The following CDK19 variants were observed in gnomAD, a reference collection of about 807,000 sequenced individuals.
The protein encoded by CDK19 is cyclin dependent kinase 19.
CDK19 carries 20 observed loss-of-function variants against 68.3 expected under a neutral mutation model. The ratio of observed to expected loss-of-function variants is 0.29; its 90% CI spans 0.21 to 0.43. The LOEUF (loss-of-function observed/expected upper bound fraction) is 0.43, where lower values mean the gene tolerates loss of function less well. Among genes scored for constraint, CDK19 ranks in the 20% least tolerant of loss-of-function variants. The pLI is 1.00. For missense variants in CDK19, 339 were observed against 623.5 expected, an observed-to-expected ratio of 0.54 and a Z score of 4.86; for synonymous variants, 221 against 222.8, an observed-to-expected ratio of 0.99 and a Z score of 0.07.
intron 2 of CDK19, among the ~76,000 whole-genome samples, chr6:110,721,923 C>T (rs1477608491): frequency 6.6e-6 from 1 of 152,076 alleles, no homozygotes; most frequent in East Asian, 1.9e-4. Context: ...GAGATCACGC[C>T]ATTGCGCTCC....
chr6:110,727,141 A>G (rs1776370935), intron 2 of CDK19, among the ~76,000 whole-genome samples: 1 of 152,210 alleles, frequency 6.6e-6, no homozygotes, highest in African/African-American at 2.4e-5. Flanking sequence ...CATGAGATAT[A>G]TGAAAACACA....
chr6:110,735,868 C>T lies in CDK19; in HGVS notation c.204+10258G>A, dbSNP rs150283012. On this transcript the variant is annotated intron_variant, in intron 2 of 12. Coordinates refer to ENST00000368911, the MANE Select transcript of CDK19 (RefSeq NM_015076.5). ...ACATCCTTGGAAAGAAGTGCTTCGC[C>T]AAAACATTTCATGAGATTCAGTTGA... is the stretch of plus-strand genomic sequence containing the variant. 5.1e-3 allele frequency among the ~76,000 whole-genome samples: 783 copies of T among 152,244 alleles called. 2 individuals are homozygous for T. The highest frequency in any genetic ancestry group is 0.018 in the African/African-American group (746 of 41,542).
intron 1 of CDK19, among the ~76,000 whole-genome samples, chr6:110,791,462 G>A (rs765919385): frequency 6.6e-6 from 1 of 151,906 alleles, no homozygotes; most frequent in Non-Finnish European, 1.5e-5. Flanking sequence ...GGAAAAGAAG[G>A]TTTAGTAAAA....
rs1383704718 is a variant in CDK19 at position 110,723,162 on chromosome 6, A to C, written c.204+22964T>G. On this transcript the variant is annotated intron_variant, in intron 2 of 12. Coordinates refer to ENST00000368911, the MANE Select transcript of CDK19 (RefSeq NM_015076.5). ...AAAAAAACAAAAAACAAAAAAAAAA[A>C]CGCAGATTTGTCCTTGTTCACTTTA... Among the ~76,000 whole-genome samples, 4 of 150,778 alleles carry C rather than the reference A, an allele frequency of 2.7e-5. 1 individual carries two copies. The highest frequency in any genetic ancestry group is 4.2e-4 in the South Asian group (2 of 4,766).
chr6:110,692,933 G>A (rs1043656891), intron 2 of CDK19, among the ~76,000 whole-genome samples: 6 of 152,132 alleles, frequency 3.9e-5, no homozygotes, highest in African/African-American at 1.4e-4. Context: ...GGAGAAGGAC[G>A]TTGCAATGAG....
intron 1 of CDK19, chr6:110,814,186 G>A (rs1328719717): frequency 4.6e-6 from 1 of 216,768 alleles, no homozygotes; most frequent in Admixed American, 5.5e-5. Context: ...GATAATATAG[G>A]TACTCCATAA....
chr6:110,810,357 T>C (rs76549671), intron 1 of CDK19, among the ~76,000 whole-genome samples: 3,526 of 152,244 alleles, frequency 0.023, 124 homozygotes, highest in African/African-American at 0.082. Flanking sequence ...ATTGATTTTA[T>C]AGGAAAATGA....
intron 2 of CDK19, among the ~76,000 whole-genome samples, chr6:110,737,744 T>C (rs1777348858): frequency 6.6e-6 from 1 of 152,202 alleles, no homozygotes; most frequent in South Asian, 2.1e-4. Flanking sequence ...GTATAGGAGT[T>C]GGCAGAAAGT....
chr6:110,763,690 C>T (rs1050420579), intron 1 of CDK19, among the ~76,000 whole-genome samples: 2 of 151,880 alleles, frequency 1.3e-5, no homozygotes, highest in African/African-American at 4.8e-5. Context: ...GCTGGGATTA[C>T]TGGCATGAGC....
chr6:110,760,738 A>C (rs1329525498), intron 1 of CDK19, among the ~76,000 whole-genome samples: 1 of 152,200 alleles, frequency 6.6e-6, no homozygotes, highest in East Asian at 1.9e-4. Flanking sequence ...AAAGCATACA[A>C]AACTCTTACA....
At chr6:110,785,967 C>A (rs1781191063) in intron 1 of CDK19, among the ~76,000 whole-genome samples, 1 of 148,582 alleles carries the variant, frequency 6.7e-6, no homozygotes, top group South Asian at 2.1e-4. Flanking sequence ...GCAACAAGAG[C>A]GAAACTCCAT....
In CDK19 at chr6:110,610,653, T is replaced by C. The variant is rs1381414888; in HGVS notation, c.*3882A>G. 1 of 152,180 alleles carries C rather than the reference T, an allele frequency of 6.6e-6. No individual in the cohort carries two copies. The highest frequency in any genetic ancestry group is 1.5e-5 in the Non-Finnish European group (1 of 68,036). 9.4% of individuals were successfully genotyped at this position (152,180 alleles called of 1,614,324 possible). On this transcript the variant is annotated 3_prime_UTR_variant, in exon 13 of 13. Transcript: ENST00000368911. ...CTAAACTGCTATGTTTTATACAAAA[T>C]ATTACTTGTACTTGAATCCTTCAAG...
intron 4 of CDK19, among the ~76,000 whole-genome samples, chr6:110,658,113 T>A (rs1348663400): frequency 6.6e-6 from 1 of 152,192 alleles, no homozygotes; most frequent in Non-Finnish European, 1.5e-5. Context: ...AAACATTGTG[T>A]CTGATCTTCA....
At chr6:110,684,496 T>C (rs1772288790) in intron 2 of CDK19, among the ~76,000 whole-genome samples, 1 of 152,068 alleles carries the variant, frequency 6.6e-6, no homozygotes, top group South Asian at 2.1e-4. Flanking sequence ...AAATTCCTTA[T>C]TTAGATTCTG....
intron 1 of CDK19, among the ~76,000 whole-genome samples, chr6:110,812,070 G>C (rs1283229576): frequency 2.0e-5 from 3 of 151,742 alleles, no homozygotes; most frequent in Non-Finnish European, 4.4e-5. Flanking sequence ...TAAATAAAAA[G>C]GAGAGTTGGG....
intron 4 of CDK19, among the ~76,000 whole-genome samples, chr6:110,651,605 T>C (rs1023753039): frequency 7.2e-5 from 11 of 152,160 alleles, no homozygotes; most frequent in African/African-American, 2.7e-4. Context: ...TTTGGTTTAC[T>C]AGTATTTTAA....
intron 4 of CDK19, among the ~76,000 whole-genome samples, chr6:110,645,337 T>C (rs1423693932): frequency 6.6e-6 from 1 of 152,158 alleles, no homozygotes; most frequent in Non-Finnish European, 1.5e-5. Context: ...GGAGAAACCA[T>C]AAAAGTTTAA....
At chr6:110,680,826 G>A (rs565218350) in intron 2 of CDK19, among the ~76,000 whole-genome samples, 4 of 151,922 alleles carry the variant, frequency 2.6e-5, no homozygotes, top group East Asian at 1.9e-4. Context: ...GCAAAACCCC[G>A]TCCCTACTAA....
Position 110,790,944 on chromosome 6 carries a change from G to A in CDK19, c.128+24065C>T, listed in dbSNP as rs541300065. On this transcript the variant is annotated intron_variant, in intron 1 of 12. Transcript: ENST00000368911. The stretch of plus-strand genomic sequence containing the variant: ...CCCAGCACTTTGGGAGGCTGAGGTA[G>A]GTGGATCACGAGGTCAGGAGTTCAA... 6.1e-3 allele frequency among the ~76,000 whole-genome samples: 923 copies of A among 152,284 alleles called. 3 individuals are homozygous for A. Among genetic ancestry groups the A allele is most frequent in the Non-Finnish European group, 9.3e-3 (632 of 68,010 alleles).
Sources: gnomAD v4.1 joint callset for allele counts (sites outside exome capture counted in the v4.1 genomes callset) on GRCh38, gnomAD v4.1.1 for gene constraint, MANE v1.5 for transcripts, NCBI Gene and HGNC (gene_info 2026-07-23, HGNC 2026-07-21) for gene names.